LRRFIP1: variants seen among roughly 807,000 people sequenced by gnomAD.
The protein encoded by LRRFIP1 is leucine-rich repeat flightless-interacting protein 1.
A neutral mutation model predicts 104.4 loss-of-function variants in LRRFIP1; 62 were observed. The observed-to-expected ratio is 0.59, with a 90% confidence interval of 0.48 to 0.73. The LOEUF (loss-of-function observed/expected upper bound fraction) is 0.73. LRRFIP1 is among the 30% of genes least tolerant of loss of function. The probability of loss-of-function intolerance (pLI) is 0.00; values close to 1 mark genes in which losing one functional copy is unlikely to be tolerated. For missense variants in LRRFIP1, 796 were observed against 824.5 expected (o/e 0.97, Z 0.42); for synonymous variants, 300 against 299.0 (o/e 1.00, Z -0.03).
intron 11 of LRRFIP1, among the ~76,000 whole-genome samples, chr2:237,744,394 G>C (rs2057527355): frequency 6.6e-6 from 1 of 151,768 alleles, no homozygotes; most frequent in Non-Finnish European, 1.5e-5. Flanking sequence ...CCCTTGAGTA[G>C]GGTCTCTCTG....
intron 19 of LRRFIP1, among the ~76,000 whole-genome samples, chr2:237,760,520 T>C (rs1217637573): frequency 6.6e-6 from 1 of 152,232 alleles, no homozygotes; most frequent in Admixed American, 6.5e-5. Context: ...GAGAGTACTA[T>C]TTGGTTTTCC....
rs2061425714 is a variant in LRRFIP1, at chr2:237,781,565, C to T, written c.*2033C>T. On this transcript the variant is annotated 3_prime_UTR_variant, in exon 24 of 24. Coordinates refer to ENST00000308482, the MANE Select transcript of LRRFIP1 (RefSeq NM_001137550.2). ...TTGGAAACAGCAAACCAATGTTACA[C>T]ACACTTCCTAATCCAGAGGAAGCTA... Among the ~76,000 whole-genome samples the T allele has an allele frequency of 6.6e-6, 1 of 152,270 alleles. No individual in the cohort carries two copies. Among genetic ancestry groups the T allele is most frequent in the Non-Finnish European group, 1.5e-5 (1 of 68,044 alleles).
chr2:237,692,525 A>G, intron 1 of LRRFIP1: 8 of 1,516,580 alleles, frequency 5.3e-6, no homozygotes, highest in Non-Finnish European at 7.1e-6. Context: ...GAAGCTGGTA[A>G]GAGGAAAGCG....
Position 237,723,536 on chromosome 2 carries a change from T to C in LRRFIP1, c.346-12T>C, listed in dbSNP as rs2094610174. The C allele has an allele frequency of 1.2e-6, 2 of 1,613,994 alleles. No homozygotes were observed. Among genetic ancestry groups the C allele is most frequent in the East Asian group, 2.2e-5 (1 of 44,886 alleles). On this transcript the variant is annotated splice_polypyrimidine_tract_variant and intron_variant, in intron 6 of 23. Transcript: ENST00000308482. ...CTGTTGTTTTTTTTTTCTGCCATCT[T>C]TCTTCTGACAGTCGCAGCCTGACTT...
intron 1 of LRRFIP1, among the ~76,000 whole-genome samples, chr2:237,681,942 G>C (rs552820927): frequency 3.3e-5 from 5 of 152,054 alleles, no homozygotes; most frequent in Non-Finnish European, 5.9e-5. Flanking sequence ...GCCTCCCAAA[G>C]TCCTATTCTT....
chr2:237,646,924 A>G (rs1347921589), intron 1 of LRRFIP1, among the ~76,000 whole-genome samples: 5 of 151,980 alleles, frequency 3.3e-5, no homozygotes. Context: ...ATGAAAATTG[A>G]AGAGACTGAA....
intron 1 of LRRFIP1, among the ~76,000 whole-genome samples, chr2:237,647,906 T>C (rs2085241498): frequency 6.6e-6 from 1 of 152,094 alleles, no homozygotes; most frequent in Admixed American, 6.5e-5. Context: ...TGGAGGCTGC[T>C]GCCAAGACAG....
intron 10 of LRRFIP1, among the ~76,000 whole-genome samples, chr2:237,736,627 C>G (rs1156480454): frequency 2.0e-5 from 3 of 152,156 alleles, no homozygotes; most frequent in African/African-American, 7.2e-5. Flanking sequence ...AGCCCTAGAT[C>G]CTTGGCCTTC....
At chr2:237,646,411 C>A (rs2084920391) in intron 1 of LRRFIP1, among the ~76,000 whole-genome samples, 1 of 151,874 alleles carries the variant, frequency 6.6e-6, no homozygotes, top group Non-Finnish European at 1.5e-5. Context: ...TCTCCCTCCC[C>A]ACCCCACCCT....
At chr2:237,752,188 C>T (rs749553000) in intron 14 of LRRFIP1, among the ~76,000 whole-genome samples, 3 of 152,096 alleles carry the variant, frequency 2.0e-5, no homozygotes, top group Non-Finnish European at 4.4e-5. Context: ...GGTGGATCAC[C>T]GGAGGTCAGG....
chr2:237,742,232 G>T (rs144233049), intron 11 of LRRFIP1, among the ~76,000 whole-genome samples: 213 of 152,336 alleles, frequency 1.4e-3, no homozygotes, highest in African/African-American at 4.7e-3. Flanking sequence ...ACCTGATGGG[G>T]GTGGGTGATC....
At chr2:237,761,355 T>C (rs1223582518) in intron 19 of LRRFIP1, among the ~76,000 whole-genome samples, 3 of 152,210 alleles carry the variant, frequency 2.0e-5, no homozygotes, top group Non-Finnish European at 4.4e-5. Context: ...CAAGATTCCG[T>C]CTCTAGATAG....
intron 4 of LRRFIP1, among the ~76,000 whole-genome samples, chr2:237,719,261 A>G (rs936132485): frequency 3.3e-5 from 5 of 152,252 alleles, no homozygotes; most frequent in Non-Finnish European, 5.9e-5. Flanking sequence ...ATTAAGACCC[A>G]GCTTCTGCCC....
At chr2:237,655,932 T>C (rs554250591) in intron 1 of LRRFIP1, among the ~76,000 whole-genome samples, 1 of 152,398 alleles carries the variant, frequency 6.6e-6, no homozygotes, top group South Asian at 2.1e-4. Context: ...TCCAGTTTAC[T>C]CTTATCTTTT....
rs199943123 is a variant in LRRFIP1, at chr2:237,760,073, A to G, written c.1327A>G (p.Ile443Val). 212 of 1,613,668 alleles carry G rather than the reference A, an allele frequency of 1.3e-4. 1 individual carries two copies. The Admixed American group carries it at 1.8e-3, about 14-fold the overall frequency. The change falls in exon 19 of 24, where the codon ATA becomes GTA. Residue 443 changes from isoleucine to valine, a missense_variant. Ile to Val is a conservative substitution (Grantham distance 29). Coordinates refer to ENST00000308482, the MANE Select transcript of LRRFIP1 (RefSeq NM_001137550.2). ...MLKEELKKHG[I>V]ILNSEIATNG... ...CTATTTTTGTTCCCAGAAACATGGA[A>G]TAATCCTAAATTCAGAAATAGCTAC... is the stretch of plus-strand genomic sequence containing the variant.
At chr2:237,763,317 C>T (rs2060052513) in intron 19 of LRRFIP1, 1 of 1,613,986 alleles carries the variant, frequency 6.2e-7, no homozygotes, top group East Asian at 2.2e-5. Context: ...GCGACAGGTC[C>T]AAGTACAGTA....
Position 237,772,209 on chromosome 2 carries a change from A to G in LRRFIP1, c.1627+11A>G, listed in dbSNP as rs1559865964. ...TAATGGACCTACAAAGTAAATGTCA[A>G]TTCTTGTGTAGAAGTAAATGCTTTC... is the stretch of plus-strand genomic sequence containing the variant. On this transcript the variant is annotated intron_variant, in intron 21 of 23. Coordinates refer to ENST00000308482, the MANE Select transcript of LRRFIP1 (RefSeq NM_001137550.2). The G allele has an allele frequency of 6.9e-6, 11 of 1,592,038 alleles. No homozygotes were observed. The highest frequency in any genetic ancestry group is 9.5e-6 in the Non-Finnish European group (11 of 1,159,936).
intron 8 of LRRFIP1, among the ~76,000 whole-genome samples, chr2:237,730,660 A>G (rs6721133): frequency 0.13 from 19,224 of 152,252 alleles, 2,788 homozygotes; most frequent in African/African-American, 0.36. Context: ...GCTCACACCT[A>G]TAAATCCCAG....
At chr2:237,654,449 A>G (rs1490291924) in intron 1 of LRRFIP1, among the ~76,000 whole-genome samples, 1 of 152,238 alleles carries the variant, frequency 6.6e-6, no homozygotes, top group Non-Finnish European at 1.5e-5. Context: ...AGAAAACAGT[A>G]TGGAAATTCC....
Sources: allele counts gnomAD v4.1 joint callset (sites outside exome capture counted in the v4.1 genomes callset), GRCh38; gene constraint gnomAD v4.1.1; transcripts MANE v1.5; gene names NCBI Gene and HGNC (gene_info 2026-07-23, HGNC 2026-07-21).